The following SEMA6A variants were observed in gnomAD, a reference collection of about 807,000 sequenced individuals.
The protein encoded by SEMA6A is semaphorin 6A, also known as semaphorin-6A.
A neutral mutation model predicts 96.8 loss-of-function variants in SEMA6A; 25 were observed. That is an observed-to-expected ratio of 0.26 (90% confidence interval 0.19 to 0.36). The LOEUF (loss-of-function observed/expected upper bound fraction) is 0.36, where lower values mean the gene tolerates loss of function less well. Ranked by LOEUF, SEMA6A falls within the 10% of genes least tolerant of loss-of-function variation. SEMA6A has a pLI of 1.00. For synonymous variants in SEMA6A, 612 were observed against 518.0 expected (o/e 1.18, Z -2.46); for missense variants, 1,363 against 1,323.1 (o/e 1.03, Z -0.47).
intron 1 of SEMA6A, among the ~76,000 whole-genome samples, chr5:116,567,447 T>C (rs1401500104): frequency 2.0e-5 from 3 of 152,212 alleles, no homozygotes; most frequent in Non-Finnish European, 4.4e-5. Context: ...TAGGACATTT[T>C]TCGTAACTAC....
At chr5:116,484,829 G>A (rs1244883840) in intron 10 of SEMA6A, among the ~76,000 whole-genome samples, 3 of 152,192 alleles carry the variant, frequency 2.0e-5, no homozygotes, top group Admixed American at 6.5e-5. Flanking sequence ...GCAAAGCATG[G>A]CACATTCAAG....
intron 17 of SEMA6A, chr5:116,471,645 T>A (rs763916416): frequency 2.6e-5 from 4 of 152,204 alleles, no homozygotes; most frequent in Non-Finnish European, 5.9e-5. Flanking sequence ...TAAAGTTGGA[T>A]GAATTCTGTG....
chr5:116,456,108 T>C (rs1754995288), intron 18 of SEMA6A, among the ~76,000 whole-genome samples: 2 of 152,140 alleles, frequency 1.3e-5, no homozygotes, highest in Non-Finnish European at 2.9e-5. Flanking sequence ...GCCAAAAGTG[T>C]AAAAATAAGG....
Position 116,509,214 on chromosome 5 carries a change from C to T in SEMA6A, c.-38-4232G>A, listed in dbSNP as rs550546210. On this transcript the variant is annotated intron_variant, in intron 1 of 18. Transcript: ENST00000343348. ...ACATTTTAATAATAAGTGATAGTGA[C>T]GTGAAAAATAATATATCTGGATTTG... 4.6e-5 allele frequency among the ~76,000 whole-genome samples: 7 copies of T among 152,160 alleles called. 1 individual carries two copies. In the South Asian group the frequency reaches 8.3e-4, roughly 18 times the overall value.
chr5:116,513,953 C>A (rs1758545163), intron 1 of SEMA6A, among the ~76,000 whole-genome samples: 1 of 152,164 alleles, frequency 6.6e-6, no homozygotes, highest in African/African-American at 2.4e-5. Flanking sequence ...CTGCAAAGGA[C>A]ATGACCTTGT....
At chr5:116,479,988 C>G (rs27495) in intron 12 of SEMA6A, 134 bp downstream of exon 12, 591,226 of 1,021,622 alleles carry the variant, frequency 0.58, 174,517 homozygotes, top group East Asian at 0.81. Flanking sequence ...CAATCGGCCA[C>G]CATTTCACAG....
intron 1 of SEMA6A, among the ~76,000 whole-genome samples, chr5:116,522,057 G>A (rs1206225629): frequency 1.3e-5 from 2 of 152,112 alleles, no homozygotes; most frequent in African/African-American, 2.4e-5. Flanking sequence ...GCTGTTTTTT[G>A]TTAATGAAAC....
At chr5:116,472,885 C>T (rs1323107536) in intron 17 of SEMA6A, 188 bp downstream of exon 17, 5 of 1,501,134 alleles carry the variant, frequency 3.3e-6, no homozygotes, top group Admixed American at 2.3e-5. Context: ...GTAAACTGAC[C>T]ATACACTGTG....
chr5:116,520,343 T>C (rs1450672282), intron 1 of SEMA6A, among the ~76,000 whole-genome samples: 1 of 144,172 alleles, frequency 6.9e-6, no homozygotes, highest in Non-Finnish European at 1.5e-5. Context: ...TGTCTGTTCC[T>C]CCCCTCCACT....
chr5:116,527,755 C>T (rs185976733), intron 1 of SEMA6A, among the ~76,000 whole-genome samples: 10 of 152,254 alleles, frequency 6.6e-5, no homozygotes, highest in African/African-American at 2.4e-4. Context: ...AACAGTATAA[C>T]GTGACAGTTA....
At chr5:116,509,605 T>TGAGA (rs143399883) in intron 1 of SEMA6A, among the ~76,000 whole-genome samples, 16,286 of 133,814 alleles carry the variant, frequency 0.12, 1,656 homozygotes, top group African/African-American at 0.3. Context: ...TCTCTGTGTG[T>TGAGA]GTGAGAGAGA....
chr5:116,499,699 C>T (rs1237028976), intron 3 of SEMA6A, among the ~76,000 whole-genome samples: 9 of 152,136 alleles, frequency 5.9e-5, no homozygotes, highest in Admixed American at 1.3e-4. Context: ...CAAACTTGAC[C>T]TTTAGTAAAG....
At chr5:116,566,195 G>T (rs901585381) in intron 1 of SEMA6A, among the ~76,000 whole-genome samples, 1 of 152,192 alleles carries the variant, frequency 6.6e-6, no homozygotes, top group African/African-American at 2.4e-5. Flanking sequence ...CATGGCCAAA[G>T]GCTGGTCTTT....
intron 1 of SEMA6A, among the ~76,000 whole-genome samples, chr5:116,508,937 T>A (rs1758271425): frequency 6.6e-6 from 1 of 152,200 alleles, no homozygotes; most frequent in Non-Finnish European, 1.5e-5. Flanking sequence ...TTGACCATCA[T>A]CTGCAAGTGG....
chr5:116,446,791 T>C lies in SEMA6A; in HGVS notation c.2915A>G (p.His972Arg), dbSNP rs1207004621. ...APQRVDSIQV[H>R]SSQPSGQAVT... ...GGCCTGGCCAGATGGCTGGGAGCTG[T>C]GCACCTGGATGGAGTCCACCCTCTG... The change falls in exon 19 of 19, where the codon CAC (histidine) becomes CGC (arginine). Residue 972 changes from histidine (H) to arginine (R), a missense_variant. His to Arg is a conservative substitution (Grantham distance 29, BLOSUM62 0). Coordinates refer to ENST00000343348, the MANE Select transcript of SEMA6A (RefSeq NM_020796.5). The C allele has an allele frequency of 1.2e-6, 2 of 1,612,656 alleles. No individual in the cohort carries two copies. The highest frequency in any genetic ancestry group is 1.7e-6 in the Non-Finnish European group (2 of 1,179,356).
At chr5:116,467,393 T>C (rs950049763) in intron 18 of SEMA6A, among the ~76,000 whole-genome samples, 190 bp downstream of exon 18, 27 of 152,082 alleles carry the variant, frequency 1.8e-4, no homozygotes, top group African/African-American at 6.3e-4. Flanking sequence ...GGTTTTTCCT[T>C]GGTCAGAGAA....
intron 3 of SEMA6A, among the ~76,000 whole-genome samples, chr5:116,501,739 T>G (rs1757891734): frequency 1.3e-5 from 2 of 152,128 alleles, no homozygotes; most frequent in Admixed American, 6.5e-5. Context: ...AATACCAAAT[T>G]AGCCAGGCGT....
chr5:116,488,709 G>A (rs1364158397), intron 8 of SEMA6A, among the ~76,000 whole-genome samples, 179 bp downstream of exon 8: 1 of 151,742 alleles, frequency 6.6e-6, no homozygotes, highest in East Asian at 1.9e-4. Flanking sequence ...GAAACTCAGG[G>A]GAAGGAAAAA....
At chr5:116,566,299 T>C (rs1396490052) in intron 1 of SEMA6A, among the ~76,000 whole-genome samples, 2 of 152,192 alleles carry the variant, frequency 1.3e-5, no homozygotes, top group African/African-American at 4.8e-5. Flanking sequence ...ATGGATTCTT[T>C]GAATTTAATG....
Sources: gnomAD v4.1 joint callset for allele counts (sites outside exome capture counted in the v4.1 genomes callset) on GRCh38, gnomAD v4.1.1 for gene constraint, MANE v1.5 for transcripts, NCBI Gene and HGNC (gene_info 2026-07-23, HGNC 2026-07-21) for gene names.